The following ELF1 variants were observed in gnomAD, a reference collection of about 807,000 sequenced individuals.
ELF1 encodes ETS-related transcription factor Elf-1.
Under a neutral mutation model 59.9 loss-of-function variants are expected in ELF1, and 24 were observed. The ratio of observed to expected loss-of-function variants is 0.40; its 90% CI spans 0.29 to 0.56. The LOEUF (loss-of-function observed/expected upper bound fraction) is 0.56. ELF1 is among the 20% of genes least tolerant of loss of function. The pLI is 0.44. For synonymous variants in ELF1, 248 were observed against 266.2 expected (o/e 0.93, Z 0.67); for missense variants, 627 against 742.2 (o/e 0.84, Z 1.80).
chr13:40,993,024 G>A (rs1253833482), intron 1 of ELF1: 12 of 1,529,484 alleles, frequency 7.8e-6, no homozygotes, highest in Non-Finnish European at 1.0e-5. Flanking sequence ...GTTGTATTCT[G>A]TTCAGAGGAA....
At chr13:40,971,950 T>TGGG (rs68132266) in intron 2 of ELF1, among the ~76,000 whole-genome samples, 4 of 149,740 alleles carry the variant, frequency 2.7e-5, no homozygotes, top group African/African-American at 9.9e-5. Flanking sequence ...AGTTTTTTTT[T>TGGG]GGGGGGGGGT....
chr13:41,052,616 C>T, intron 1 of ELF1, among the ~76,000 whole-genome samples: 1 of 151,618 alleles, frequency 6.6e-6, no homozygotes, highest in East Asian at 2.0e-4. Context: ...TTTAGAAAGC[C>T]AAGGCGGGAA....
intron 8 of ELF1, 59 bp downstream of exon 8, chr13:40,940,862 T>G (rs546800285): frequency 1.3e-6 from 2 of 1,492,896 alleles, no homozygotes; most frequent in Admixed American, 2.2e-5. Context: ...ACTTAACAAA[T>G]AATGTCTCTG....
At chr13:40,987,929 C>G (rs1191472186) in intron 1 of ELF1, among the ~76,000 whole-genome samples, 1 of 151,872 alleles carries the variant, frequency 6.6e-6, no homozygotes, top group Admixed American at 6.6e-5. Context: ...TTCGGAAAAA[C>G]CATTGAAAAA....
chr13:40,997,223 A>G (rs922423544), intron 1 of ELF1, among the ~76,000 whole-genome samples: 1 of 152,078 alleles, frequency 6.6e-6, no homozygotes, highest in Admixed American at 6.6e-5. Flanking sequence ...ATCTGTTTTC[A>G]CAGTCTACCT....
chr13:40,967,906 A>G (rs1425949802), intron 2 of ELF1, among the ~76,000 whole-genome samples: 1 of 151,870 alleles, frequency 6.6e-6, no homozygotes, highest in Non-Finnish European at 1.5e-5. Flanking sequence ...TTTGTTTATT[A>G]ATTATTTTTT....
exon 1 of ELF1, chr13:41,060,968 G>C (rs752032851): frequency 9.3e-6 from 3 of 323,914 alleles, no homozygotes; most frequent in South Asian, 2.4e-5. Flanking sequence ...ACACGCTCCC[G>C]AGCTAGGGAA....
At chr13:40,975,455 CA>C (rs1373458921) in intron 2 of ELF1, among the ~76,000 whole-genome samples, 1 of 152,116 alleles carries the variant, frequency 6.6e-6, no homozygotes, top group Non-Finnish European at 1.5e-5. Context: ...TGCCTACAAC[CA>C]GATTTAATAA....
chr13:40,934,871 T>C (rs575627512), intron 8 of ELF1, among the ~76,000 whole-genome samples: 2 of 152,342 alleles, frequency 1.3e-5, no homozygotes, highest in South Asian at 4.1e-4. Context: ...CTTAACCATA[T>C]GACAGAATTC....
chr13:40,956,609 C>T (rs1236363901), intron 3 of ELF1, among the ~76,000 whole-genome samples: 1 of 144,994 alleles, frequency 6.9e-6, no homozygotes, highest in Non-Finnish European at 1.5e-5. Flanking sequence ...GTTGGAAAGG[C>T]TTCAGGATTG....
At chr13:40,952,853 T>C (rs1870943480) in intron 3 of ELF1, among the ~76,000 whole-genome samples, 2 of 100,416 alleles carry the variant, frequency 2.0e-5, no homozygotes, top group Non-Finnish European at 4.4e-5. Flanking sequence ...GTCCTTACCC[T>C]CTGTACAGGA....
chr13:41,019,406 T>C (rs1593398887), upstream of ELF1: 24 of 985,344 alleles, frequency 2.4e-5, no homozygotes, highest in Non-Finnish European at 2.9e-5. Context: ...GTGGACCCAA[T>C]TATTCTGCTA....
chr13:41,054,717 T>C (rs1443026123), intron 1 of ELF1, among the ~76,000 whole-genome samples: 1 of 152,330 alleles, frequency 6.6e-6, no homozygotes, highest in Non-Finnish European at 1.5e-5. Flanking sequence ...AGATTATTAT[T>C]GGACTGCGGG....
chr13:41,002,848 C>T (rs1221239601), intron 1 of ELF1, among the ~76,000 whole-genome samples: 1 of 151,996 alleles, frequency 6.6e-6, no homozygotes, highest in African/African-American at 2.4e-5. Flanking sequence ...CCATGTAATT[C>T]AGTAATTATT....
At chr13:40,963,835 G>A (rs1173283658) in intron 2 of ELF1, among the ~76,000 whole-genome samples, 1 of 152,086 alleles carries the variant, frequency 6.6e-6, no homozygotes, top group African/African-American at 2.4e-5. Context: ...TAACCCAGGA[G>A]GCAGAGGTTG....
At chr13:40,951,303 A>G (rs766497818) in intron 4 of ELF1, 26 bp downstream of exon 4, 1 of 1,553,710 alleles carries the variant, frequency 6.4e-7, no homozygotes. Flanking sequence ...CAAAGTACAT[A>G]AACATAAACA....
At chr13:41,046,644 T>C (rs1566199664) in intron 1 of ELF1, among the ~76,000 whole-genome samples, 1 of 152,220 alleles carries the variant, frequency 6.6e-6, no homozygotes, top group African/African-American at 2.4e-5. Flanking sequence ...GAGTTTCTGC[T>C]GAGAGATCTG....
chr13:40,955,312 C>T (rs1385572911), intron 3 of ELF1, among the ~76,000 whole-genome samples: 3 of 146,506 alleles, frequency 2.0e-5, no homozygotes, highest in African/African-American at 5.1e-5. Context: ...CCGCCCCGTC[C>T]GGAAGGGAGG....
At chr13:40,941,464 T>C in intron 7 of ELF1, 94 bp from the exon 8 acceptor site, 1 of 1,201,086 alleles carries the variant, frequency 8.3e-7, no homozygotes, top group Non-Finnish European at 1.2e-6. Context: ...AACTTTAAAG[T>C]TGGAATCAAA....
Sources: gnomAD v4.1 joint callset for allele counts (sites outside exome capture counted in the v4.1 genomes callset) on GRCh38, gnomAD v4.1.1 for gene constraint, MANE v1.5 for transcripts, NCBI Gene and HGNC (gene_info 2026-07-23, HGNC 2026-07-21) for gene names.